The following SUGCT variants were observed in gnomAD, a reference collection of about 807,000 sequenced individuals.
SUGCT encodes the protein succinyl-CoA:glutarate CoA-transferase.
Under a neutral mutation model 55.0 loss-of-function variants are expected in SUGCT, and 41 were observed. That is an observed-to-expected ratio of 0.74 (90% CI 0.58 to 0.97). The LOEUF is 0.97. Among genes scored for constraint, SUGCT ranks in the 50% least tolerant of loss-of-function variants. SUGCT has a pLI of 0.00. For missense variants in SUGCT, 568 were observed against 547.8 expected (o/e 1.04, Z -0.37); for synonymous variants, 187 against 200.4 (o/e 0.93, Z 0.56).
chr7:40,160,786 A>C (rs928580125), intron 1 of SUGCT, among the ~76,000 whole-genome samples: 1 of 152,182 alleles, frequency 6.6e-6, no homozygotes, highest in Non-Finnish European at 1.5e-5. Flanking sequence ...ATAAGTACAA[A>C]TTAAAATAAT....
At chr7:40,585,310 T>A (rs947948259) in intron 12 of SUGCT, among the ~76,000 whole-genome samples, 1 of 152,234 alleles carries the variant, frequency 6.6e-6, no homozygotes, top group Non-Finnish European at 1.5e-5. Flanking sequence ...AGTGGCTTTT[T>A]AAGGTATATT....
chr7:40,477,837 T>G (rs935511136), intron 11 of SUGCT, among the ~76,000 whole-genome samples: 3 of 152,142 alleles, frequency 2.0e-5, no homozygotes, highest in African/African-American at 7.2e-5. Context: ...ATACTTGAAT[T>G]TAGGTTATGT....
chr7:40,616,796 G>A (rs979990279), intron 12 of SUGCT, among the ~76,000 whole-genome samples: 2 of 152,188 alleles, frequency 1.3e-5, no homozygotes, highest in Admixed American at 6.5e-5. Flanking sequence ...CCTCCAAGGG[G>A]AATGGAGGCC....
chr7:40,197,303 T>C (rs187606914), intron 6 of SUGCT, among the ~76,000 whole-genome samples: 1 of 152,366 alleles, frequency 6.6e-6, no homozygotes, highest in African/African-American at 2.4e-5. Flanking sequence ...GAGATTTTTT[T>C]CCATCAGAAT....
chr7:40,732,390 C>A (rs1229994966), intron 12 of SUGCT, among the ~76,000 whole-genome samples: 1 of 152,200 alleles, frequency 6.6e-6, no homozygotes, highest in Non-Finnish European at 1.5e-5. Flanking sequence ...TTAATCCCAT[C>A]TGAAAAGACT....
chr7:40,160,288 G>T (rs1461403128), intron 1 of SUGCT, among the ~76,000 whole-genome samples: 1 of 151,938 alleles, frequency 6.6e-6, no homozygotes, highest in African/African-American at 2.4e-5. Context: ...GAGTGCAGTG[G>T]TATGATCTCG....
At chr7:40,632,661 A>G (rs1799838741) in intron 12 of SUGCT, among the ~76,000 whole-genome samples, 1 of 151,908 alleles carries the variant, frequency 6.6e-6, no homozygotes, top group African/African-American at 2.4e-5. Context: ...GTAAAACCAT[A>G]TTCATTCATT....
At chr7:40,430,272 A>G (rs780599329) in intron 9 of SUGCT, among the ~76,000 whole-genome samples, 2 of 152,148 alleles carry the variant, frequency 1.3e-5, no homozygotes, top group African/African-American at 2.4e-5. Context: ...GTACCAATCT[A>G]TATTTTCACC....
intron 9 of SUGCT, among the ~76,000 whole-genome samples, chr7:40,394,470 A>T (rs1236574674): frequency 5.9e-5 from 9 of 152,238 alleles, no homozygotes. Flanking sequence ...ATTATGACTT[A>T]ATTGACAAAC....
chr7:40,264,937 A>C (rs1319058675), intron 7 of SUGCT, among the ~76,000 whole-genome samples: 5 of 152,204 alleles, frequency 3.3e-5, no homozygotes, highest in African/African-American at 1.2e-4. Context: ...TTACCTTCAT[A>C]AAGTGCTTTT....
the SUGCT span, among the ~76,000 whole-genome samples, chr7:41,012,203 C>T: frequency 1.6e-4 from 24 of 152,140 alleles, no homozygotes; most frequent in African/African-American, 5.5e-4. Context: ...CTCTCCCTCC[C>T]CCTGTGTCTT....
chr7:40,333,691 AT>A, intron 9 of SUGCT, among the ~76,000 whole-genome samples: 2 of 131,120 alleles, frequency 1.5e-5, no homozygotes, highest in African/African-American at 5.6e-5. Flanking sequence ...ATATATATAT[AT>A]ATATATATAT....
chr7:40,961,934 G>A, the SUGCT span, among the ~76,000 whole-genome samples: 1 of 152,200 alleles, frequency 6.6e-6, no homozygotes, highest in Admixed American at 6.5e-5. Flanking sequence ...CAGACCCAAA[G>A]AGTGAGCAGC....
the SUGCT span, among the ~76,000 whole-genome samples, chr7:41,029,568 C>G: frequency 6.6e-6 from 1 of 152,116 alleles, no homozygotes; most frequent in Admixed American, 6.5e-5. Flanking sequence ...AAAACCCATG[C>G]CAGAGACTTT....
chr7:40,259,128 A>G (rs757417455), intron 7 of SUGCT, among the ~76,000 whole-genome samples: 12 of 152,206 alleles, frequency 7.9e-5, no homozygotes, highest in Non-Finnish European at 1.8e-4. Context: ...TCATAGATGT[A>G]GAGAGTAGAA....
chr7:40,425,340 C>T (rs1166952605), intron 9 of SUGCT, among the ~76,000 whole-genome samples: 1 of 151,992 alleles, frequency 6.6e-6, no homozygotes, highest in Admixed American at 6.6e-5. Context: ...TATTACAATC[C>T]TCCTATCAGG....
rs185872102 is a variant in SUGCT at position 40,345,593 on chromosome 7, G to C, written c.816+28738G>C. Among the ~76,000 whole-genome samples the C allele has an allele frequency of 1.2e-3, 186 of 151,950 alleles. No individual in the cohort carries two copies. In the Middle Eastern group the frequency reaches 0.017, roughly 14 times the overall value. ...TCATTCAGTATGGCACCATTTGTTT[G>C]CCATTCACCTGTTGAATGATTTTTA... On this transcript the variant is annotated intron_variant, in intron 9 of 13. Coordinates refer to ENST00000335693, the MANE Select transcript of SUGCT (RefSeq NM_001193313.2).
chr7:40,910,451 A>G, the SUGCT span, among the ~76,000 whole-genome samples: 2 of 152,176 alleles, frequency 1.3e-5, no homozygotes, highest in Admixed American at 6.5e-5. Context: ...CTGTAAAAAT[A>G]TGGAACATTT....
chr7:40,222,414 A>G (rs1255764675), intron 6 of SUGCT, among the ~76,000 whole-genome samples: 4 of 152,212 alleles, frequency 2.6e-5, no homozygotes, highest in African/African-American at 9.6e-5. Flanking sequence ...CCATGGAGGC[A>G]TTAGAAGCTA....
Sources: allele counts gnomAD v4.1 joint callset (sites outside exome capture counted in the v4.1 genomes callset), GRCh38; gene constraint gnomAD v4.1.1; transcripts MANE v1.5; gene names NCBI Gene and HGNC (gene_info 2026-07-23, HGNC 2026-07-21).